RLF: variants seen among roughly 807,000 people sequenced by gnomAD.
RLF encodes the protein zinc finger protein Rlf.
In RLF, 7 loss-of-function variants were observed where a neutral mutation model predicts 162.9. That is an observed-to-expected ratio of 0.04 (90% CI 0.02 to 0.08). The LOEUF is 0.08. Ranked by LOEUF, RLF falls within the 10% of genes least tolerant of loss-of-function variation. The pLI is 1.00. For synonymous variants in RLF, 782 were observed against 791.5 expected (o/e 0.99, Z 0.20); for missense variants, 1,664 against 2,244.7 (o/e 0.74, Z 5.23).
chr1:40,190,362 G>A (rs1642539292), intron 2 of RLF, among the ~76,000 whole-genome samples: 1 of 152,148 alleles, frequency 6.6e-6, no homozygotes, highest in African/African-American at 2.4e-5. Flanking sequence ...GCAAGTGACA[G>A]AAACCTATAG....
intron 4 of RLF, among the ~76,000 whole-genome samples, chr1:40,200,867 T>TACACACACACACACACACAC (rs71060356): frequency 2.9e-5 from 1 of 34,860 alleles, no homozygotes; most frequent in Admixed American, 3.8e-4. Flanking sequence ...ATTGCTACTC[T>TACACACACACACACACACAC]ACACACACAC....
At chr1:40,162,740 T>C (rs1285535343) in intron 1 of RLF, among the ~76,000 whole-genome samples, 2 of 152,248 alleles carry the variant, frequency 1.3e-5, no homozygotes, top group Non-Finnish European at 2.9e-5. Context: ...GAATGGAATT[T>C]TGTCCTTACT....
At chr1:40,188,786 A>G (rs1642519127) in intron 1 of RLF, among the ~76,000 whole-genome samples, 3 of 152,334 alleles carry the variant, frequency 2.0e-5, no homozygotes, top group African/African-American at 2.4e-5. Flanking sequence ...CTCCAGACCT[A>G]TAGTGAGAAC....
chr1:40,170,448 A>G (rs1235607781), intron 1 of RLF, among the ~76,000 whole-genome samples: 3 of 151,932 alleles, frequency 2.0e-5, no homozygotes. Flanking sequence ...TTTTGTAGAG[A>G]TAGGGTTTCG....
At chr1:40,221,726 C>T (rs1642998557) in intron 5 of RLF, among the ~76,000 whole-genome samples, 1 of 151,616 alleles carries the variant, frequency 6.6e-6, no homozygotes, top group Admixed American at 6.6e-5. Flanking sequence ...CAGTGAAACC[C>T]CGTCTCTACT....
In RLF at chr1:40,239,149, G is replaced by A; in HGVS notation, c.4447G>A (p.Ala1483Thr). The A allele has an allele frequency of 6.2e-7, 1 of 1,614,086 alleles. No individual in the cohort carries two copies. Among genetic ancestry groups the A allele is most frequent in the Non-Finnish European group, 8.5e-7 (1 of 1,180,006 alleles). The change falls in exon 8 of 8, where the codon GCA (alanine) becomes ACA (threonine). Residue 1483 changes from alanine (A) to threonine (T), a missense_variant. This residue lies in a region of RLF where 200 missense variants were observed against 207.3 expected (regional missense o/e 0.96). Transcript: ENST00000372771. ...TGATTTGTTTAGAAGCCAGAAAGTA[G>A]CAAATGAGAGACTACTAAGGAGTGA... ...YDDLFRSQKV[A>T]NERLLRSEKV...
intron 1 of RLF, among the ~76,000 whole-genome samples, chr1:40,162,932 CCAAGTGCTGGGGAAA>C (rs1205873458): frequency 6.6e-6 from 1 of 152,204 alleles, no homozygotes; most frequent in East Asian, 1.9e-4. Flanking sequence ...AGGGACTTTA[CCAAGTGCTGGGGAAA>C]CATGAGTAAG....
chr1:40,222,460 C>A, intron 5 of RLF, 114 bp from the exon 6 acceptor site: 1 of 842,600 alleles, frequency 1.2e-6, no homozygotes. Context: ...CATTCATTAG[C>A]AGGAGAAAAT....
Position 40,240,225 on chromosome 1 carries a change from T to C in RLF, c.5523T>C (p.Thr1841=). 1 of 1,614,204 alleles carries C rather than the reference T, an allele frequency of 6.2e-7. No homozygotes were observed. The highest frequency in any genetic ancestry group is 8.5e-7 in the Non-Finnish European group (1 of 1,180,024). The change falls in exon 8 of 8, where the codon ACT becomes ACC. Residue 1841 remains threonine (T), a synonymous_variant. Coordinates refer to ENST00000372771, the MANE Select transcript of RLF (RefSeq NM_012421.4). ...SSDSTIHENL[T]AIPPLIVAET... The stretch of plus-strand genomic sequence containing the variant: ...ACTCTACAATTCATGAGAACCTGAC[T>C]GCAATCCCACCTTTAATAGTAGCTG...
At chr1:40,235,345 GC>G (rs1279472108) in intron 7 of RLF, among the ~76,000 whole-genome samples, 2 of 152,062 alleles carry the variant, frequency 1.3e-5, no homozygotes, top group Non-Finnish European at 2.9e-5. Context: ...GAGCCACCGT[GC>G]CCAGCCAAAG....
rs1393937408 is a variant in RLF, at chr1:40,161,693, C to T, written c.237+57C>T. On this transcript the variant is annotated intron_variant, in intron 1 of 7. Coordinates refer to ENST00000372771, the MANE Select transcript of RLF (RefSeq NM_012421.4). The surrounding 1 kb of genome is among the most constrained non-coding windows in gnomAD (Gnocchi z 4.4). The stretch of plus-strand genomic sequence containing the variant: ...GGGGCGGGGAAGTCAGGGAAGGAGG[C>T]CCTGGATCCTCTGTAAGCAGCCGGG... 3.4e-5 allele frequency: 54 copies of T among 1,588,480 alleles called. No homozygotes were observed. The Admixed American group carries it at 9.1e-4, about 27-fold the overall frequency.
At chr1:40,199,759 T>C (rs867383218) in intron 4 of RLF, among the ~76,000 whole-genome samples, 1 of 152,068 alleles carries the variant, frequency 6.6e-6, no homozygotes, top group Admixed American at 6.6e-5. Flanking sequence ...GGCAGGTAAA[T>C]AGAGCAGAAT....
chr1:40,204,304 T>G, intron 5 of RLF, among the ~76,000 whole-genome samples: 1 of 151,982 alleles, frequency 6.6e-6, no homozygotes, highest in African/African-American at 2.4e-5. Context: ...CGTGAGCCAC[T>G]GCTCCCGGCC....
intron 1 of RLF, among the ~76,000 whole-genome samples, chr1:40,169,807 C>G (rs1184858625): frequency 6.6e-6 from 1 of 150,924 alleles, no homozygotes; most frequent in Non-Finnish European, 1.5e-5. Context: ...ATTCTCCTGC[C>G]TCAGCCTCCC....
chr1:40,161,771 G>T lies in RLF; in HGVS notation c.237+135G>T. ...ACTCGCCGCGCCCCCGGGCCGGGAA[G>T]GCCCAGCTCGGAAGCTCGACCGCTG... On this transcript the variant is annotated intron_variant, in intron 1 of 7. Transcript: ENST00000372771. The surrounding 1 kb of genome is among the most constrained non-coding windows in gnomAD (Gnocchi z 4.4). The T allele has an allele frequency of 7.8e-7, 1 of 1,289,836 alleles. No individual in the cohort carries two copies. Among genetic ancestry groups the T allele is most frequent in the East Asian group, 2.7e-5 (1 of 36,736 alleles). 79.9% of individuals were successfully genotyped at this position (1,289,836 alleles called of 1,614,324 possible).
intron 4 of RLF, among the ~76,000 whole-genome samples, chr1:40,201,589 G>A (rs1357998330): frequency 6.9e-6 from 1 of 145,610 alleles, no homozygotes; most frequent in Non-Finnish European, 1.5e-5. Context: ...TCGCGCCACG[G>A]CACTCCAGCC....
chr1:40,198,520 C>T (rs1368274735), intron 4 of RLF, among the ~76,000 whole-genome samples: 1 of 152,144 alleles, frequency 6.6e-6, no homozygotes, highest in Non-Finnish European at 1.5e-5. Flanking sequence ...AGGCTGGTCT[C>T]GAACTCCTGA....
intron 7 of RLF, among the ~76,000 whole-genome samples, chr1:40,234,028 A>G (rs1432554114): frequency 6.6e-6 from 1 of 152,188 alleles, no homozygotes; most frequent in Admixed American, 6.5e-5. Flanking sequence ...AGCTCACTGC[A>G]ACCTCCGCTT....
At chr1:40,197,166 A>G (rs1642648718) in intron 4 of RLF, among the ~76,000 whole-genome samples, 1 of 152,196 alleles carries the variant, frequency 6.6e-6, no homozygotes, top group African/African-American at 2.4e-5. Context: ...GCATAAAGGC[A>G]CTTAGATTTT....
Sources: gnomAD v4.1 joint callset for allele counts (sites outside exome capture counted in the v4.1 genomes callset) on GRCh38, gnomAD v4.1.1 for gene constraint, gnomAD v4.1.1 regional missense constraint, Gnocchi (gnomAD v3.1) non-coding constraint, MANE v1.5 for transcripts, NCBI Gene and HGNC (gene_info 2026-07-23, HGNC 2026-07-21) for gene names.